PGK1: variants seen among roughly 807,000 people sequenced by gnomAD.
PGK1 encodes phosphoglycerate kinase 1.
In PGK1, 3 loss-of-function variants were observed where a neutral mutation model predicts 26.9. The observed-to-expected ratio is 0.11, with a 90% confidence interval of 0.05 to 0.29. The LOEUF is 0.29. Among genes scored for constraint, PGK1 ranks in the 10% least tolerant of loss-of-function variants. The pLI, the probability that PGK1 is intolerant of heterozygous loss-of-function variation, is 1.00. For synonymous variants in PGK1, 125 were observed against 115.3 expected (o/e 1.08, Z -0.54); for missense variants, 270 against 314.7 (o/e 0.86, Z 1.07).
At chrX:78,123,451 C>A in intron 8 of PGK1, 77 bp downstream of exon 8, 1 of 817,196 alleles carries the variant, frequency 1.2e-6, no homozygotes, top group South Asian at 2.2e-5. Context: ...TTCAGCCAAT[C>A]AACAAGCATT....
chrX:78,116,231 C>T (rs1220711140), intron 4 of PGK1, among the ~76,000 whole-genome samples: 1 of 111,193 alleles, frequency 9.0e-6, no homozygotes, highest in Non-Finnish European at 1.9e-5. Flanking sequence ...GAGCAACTTC[C>T]CAAAGGTGAC....
chrX:78,104,992 G>A (rs782317932), intron 1 of PGK1, among the ~76,000 whole-genome samples: 1 of 112,551 alleles, frequency 8.9e-6, no homozygotes, highest in African/African-American at 3.2e-5. Context: ...TTACGTAACA[G>A]GCGTCTGCTG....
At chrX:78,104,505 T>C (rs1216605189) in intron 1 of PGK1, 100 bp downstream of exon 1, 2 of 685,218 alleles carry the variant, frequency 2.9e-6, no homozygotes, top group African/African-American at 4.2e-5. Flanking sequence ...TCTTTTAGCT[T>C]TTGGCTGGGC....
In PGK1 at chrX:78,122,902, G is replaced by T; in HGVS notation, c.709G>T (p.Gly237Cys). 2.5e-6 allele frequency: 3 copies of T among 1,200,252 alleles called. No individual in the cohort carries two copies. In the Admixed American group the frequency reaches 6.5e-5, roughly 26 times the overall value. ...GGACAAAGTCAATGAGATGATTATT[G>T]GTGGTGGAATGGCTTTTACCTTCCT... Reference protein sequence around the residue: ...MLDKVNEMIIGGGMAFTFLKV... With the variant: ...MLDKVNEMIICGGMAFTFLKV... Residue 237 changes from glycine (G) to cysteine (C), a missense_variant, in exon 7 of 11, where the codon GGT (glycine) becomes TGT (cysteine). By Grantham distance (159) the Gly-to-Cys change is radical. Around this residue, in one of 3 missense-constraint regions of PGK1, gnomAD observed 17 missense variants for 45.5 expected, o/e 0.37. Coordinates refer to ENST00000373316, the MANE Select transcript of PGK1 (RefSeq NM_000291.4).
Position 78,113,153 on chromosome X carries a change from G to C in PGK1, c.117-591G>C, listed in dbSNP as rs1441914188. ...CTACAAAAAATACAAAAATTAGCTG[G>C]GCATGGTGGTGCATTCCTGTAGTTC... On this transcript the variant is annotated intron_variant, in intron 2 of 10. Transcript: ENST00000373316. Among the ~76,000 whole-genome samples the C allele has an allele frequency of 2.7e-5, 3 of 111,120 alleles. No homozygotes were observed. The East Asian group carries it at 8.5e-4, about 32-fold the overall frequency.
Position 78,125,439 on chromosome X carries a change from G to A in PGK1, c.1213+14G>A, listed in dbSNP as rs1296219480. ...AGCTCCTGGAAGGTGAGGGTCTTCTGTTTTTTGGCTTGTTTGGGATAAGGG... is the reference window on the plus strand; with the variant it reads ...AGCTCCTGGAAGGTGAGGGTCTTCTATTTTTTGGCTTGTTTGGGATAAGGG... On this transcript the variant is annotated intron_variant, in intron 10 of 10. Transcript: ENST00000373316. 7 of 1,119,688 alleles carry A rather than the reference G, an allele frequency of 6.3e-6. No individual in the cohort carries two copies. Among genetic ancestry groups the A allele is most frequent in the Non-Finnish European group, 8.6e-6 (7 of 813,413 alleles). 92.3% of individuals were successfully genotyped at this position (1,119,688 alleles called of 1,213,427 possible). A position where few individuals can be genotyped will look rare whatever the true frequency, so the allele number is the denominator to read the frequency against.
chrX:78,117,960 T>C, intron 5 of PGK1, 91 bp from the exon 6 acceptor site: 1 of 880,636 alleles, frequency 1.1e-6, no homozygotes, highest in East Asian at 3.1e-5. Context: ...AGTCCAGAAG[T>C]AGAAATATTT....
rs2078332520 is a variant in PGK1 at position 78,117,510 on chromosome X, A to G, written c.521+95A>G. On this transcript the variant is annotated intron_variant, in intron 5 of 10. Coordinates refer to ENST00000373316, the MANE Select transcript of PGK1 (RefSeq NM_000291.4). ...GGTTGTTTTTGGAGAGTTTTGTATT[A>G]TACTGTAATCCTTTCAGCTTCTCTA... 3 of 587,283 alleles carry G rather than the reference A, an allele frequency of 5.1e-6. No individual in the cohort carries two copies. The South Asian group carries it at 7.2e-5, about 14-fold the overall frequency. 48.4% of individuals were successfully genotyped at this position (587,283 alleles called of 1,213,427 possible).
At chrX:78,124,477 G>C (rs2078372392) in intron 8 of PGK1, among the ~76,000 whole-genome samples, 2 of 110,476 alleles carry the variant, frequency 1.8e-5, no homozygotes, top group African/African-American at 6.6e-5. Context: ...GGGGACTGTT[G>C]AATTGTAAGG....
chrX:78,105,536 G>A (rs1007281513), intron 1 of PGK1, among the ~76,000 whole-genome samples: 1 of 111,543 alleles, frequency 9.0e-6, no homozygotes, highest in East Asian at 2.8e-4. Flanking sequence ...TCAAATGAGG[G>A]CTTGTGTTGG....
Position 78,118,523 on chromosome X carries a change from G to A in PGK1, c.641+353G>A, listed in dbSNP as rs181622364. On this transcript the variant is annotated intron_variant, in intron 6 of 10. Transcript: ENST00000373316. ...GAGCCTGGGAGGTAGAGGCTGCAGT[G>A]CACTGTGATCACGCCACTGCACTCC... is the stretch of plus-strand genomic sequence containing the variant. Among the ~76,000 whole-genome samples the A allele has an allele frequency of 3.1e-3, 339 of 111,018 alleles. 2 individuals are homozygous for A. Among genetic ancestry groups the A allele is most frequent in the African/African-American group, 8.9e-3 (270 of 30,433 alleles).
In PGK1 at chrX:78,125,802, C is replaced by T; in HGVS notation, c.1226C>T (p.Pro409Leu). The T allele has an allele frequency of 1.7e-6, 2 of 1,203,920 alleles. No individual in the cohort carries two copies. Among genetic ancestry groups the T allele is most frequent in the South Asian group, 1.8e-5 (1 of 56,802 alleles). The change falls in exon 11 of 11, where the codon CCT (proline) becomes CTT (leucine). Residue 409 changes from proline (P) to leucine (L), a missense_variant. Pro to Leu is a moderately conservative substitution (Grantham distance 98). Transcript: ENST00000373316. ...SLELLEGKVLPGVDALSNI is the reference protein window; with the variant it reads ...SLELLEGKVLLGVDALSNI ...CTCTCAAAAACAGGTAAAGTCCTTCCTGGGGTGGATGCTCTCAGCAATATT... is the reference window on the plus strand; with the variant it reads ...CTCTCAAAAACAGGTAAAGTCCTTCTTGGGGTGGATGCTCTCAGCAATATT...
intron 4 of PGK1, among the ~76,000 whole-genome samples, chrX:78,115,529 C>G (rs2078322408): frequency 9.0e-6 from 1 of 111,283 alleles, no homozygotes; most frequent in South Asian, 3.8e-4. Flanking sequence ...TGGCAAGTGC[C>G]TGTAATTCCA....
chrX:78,111,293 G>A (rs1015620690), intron 2 of PGK1, among the ~76,000 whole-genome samples: 3 of 110,759 alleles, frequency 2.7e-5, no homozygotes, highest in Non-Finnish European at 5.7e-5. Context: ...TTGCCCTTTT[G>A]CCCAAGCTGG....
At chrX:78,116,324 T>A (rs1182244942) in intron 4 of PGK1, among the ~76,000 whole-genome samples, 5 of 112,342 alleles carry the variant, frequency 4.5e-5, no homozygotes, top group Non-Finnish European at 9.4e-5. Context: ...ATGTGTCATC[T>A]TCCAATCACT....
chrX:78,115,800 T>C (rs1557247407), intron 4 of PGK1, among the ~76,000 whole-genome samples: 1 of 112,409 alleles, frequency 8.9e-6, no homozygotes, highest in African/African-American at 3.2e-5. Flanking sequence ...ATTGATATTA[T>C]TTCCATGGCA....
chrX:78,117,372 G>A lies in PGK1; in HGVS notation c.478G>A (p.Val160Ile). Residue 160 changes from valine to isoleucine, a missense_variant, in exon 5 of 11, where the codon GTC becomes ATC. Val to Ile is a conservative substitution (Grantham distance 29). This residue lies in a region of PGK1 where 150 missense variants were observed against 154.6 expected (regional missense o/e 0.97). Transcript: ENST00000373316. ...FRASLSKLGDVYVNDAFGTAH... is the reference protein window; with the variant it reads ...FRASLSKLGDIYVNDAFGTAH... ...AGCTTCACTTTCCAAGCTAGGGGAT[G>A]TCTATGTCAATGATGCTTTTGGCAC... The A allele has an allele frequency of 8.3e-7, 1 of 1,206,058 alleles. No individual in the cohort carries two copies. Among genetic ancestry groups the A allele is most frequent in the Non-Finnish European group, 1.1e-6 (1 of 890,157 alleles).
chrX:78,125,631 T>G (rs1369895079), intron 10 of PGK1, among the ~76,000 whole-genome samples, 159 bp from the exon 11 acceptor site: 2 of 111,408 alleles, frequency 1.8e-5, no homozygotes, highest in Non-Finnish European at 3.8e-5. Context: ...AGAGTTATGG[T>G]CTAGTAGACC....
chrX:78,106,637 T>C, intron 1 of PGK1: 1 of 752,984 alleles, frequency 1.3e-6, no homozygotes. Context: ...TCTGGTCCAC[T>C]GGTTTGGATT....
Sources: allele counts gnomAD v4.1 joint callset (sites outside exome capture counted in the v4.1 genomes callset), GRCh38; gene constraint gnomAD v4.1.1; regional missense constraint gnomAD v4.1.1; transcripts MANE v1.5; gene names NCBI Gene and HGNC (gene_info 2026-07-23, HGNC 2026-07-21).